PDLIM5: variants seen among roughly 807,000 people sequenced by gnomAD.
PDLIM5 encodes PDZ and LIM domain 5.
A neutral mutation model predicts 64.2 loss-of-function variants in PDLIM5; 34 were observed. The observed-to-expected ratio is 0.53, with a 90% CI of 0.40 to 0.71. PDLIM5 has a LOEUF of 0.71. Ranked by LOEUF, PDLIM5 falls within the 30% of genes least tolerant of loss-of-function variation. The probability of loss-of-function intolerance (pLI) is 0.00; values close to 1 mark genes in which losing one functional copy is unlikely to be tolerated. For synonymous variants in PDLIM5, 253 were observed against 269.1 expected (o/e 0.94, Z 0.59); for missense variants, 683 against 733.6 (o/e 0.93, Z 0.80).
chr4:94,562,581 C>T (rs1733939543), intron 3 of PDLIM5, among the ~76,000 whole-genome samples: 1 of 152,154 alleles, frequency 6.6e-6, no homozygotes, highest in South Asian at 2.1e-4. Flanking sequence ...CACATTGCCA[C>T]AGTTCTCAAG....
intron 2 of PDLIM5, among the ~76,000 whole-genome samples, chr4:94,479,039 A>C (rs1725605505): frequency 1.3e-5 from 2 of 151,288 alleles, no homozygotes; most frequent in African/African-American, 4.9e-5. Flanking sequence ...AGCTGGGACC[A>C]CAGGCATGTG....
intron 11 of PDLIM5, among the ~76,000 whole-genome samples, chr4:94,660,875 C>A (rs61597100): frequency 0.31 from 47,655 of 151,824 alleles, 7,697 homozygotes; most frequent in Non-Finnish European, 0.36. Flanking sequence ...ATTAGGTCAA[C>A]CAGCCTGGGC....
At chr4:94,590,825 T>C (rs1272035258) in intron 7 of PDLIM5, among the ~76,000 whole-genome samples, 1 of 152,220 alleles carries the variant, frequency 6.6e-6, no homozygotes, top group Non-Finnish European at 1.5e-5. Flanking sequence ...TTCCTATCCA[T>C]AGCATTTTAA....
chr4:94,585,722 A>G lies in PDLIM5; in HGVS notation c.868A>G (p.Thr290Ala). The change falls in exon 6 of 13, where the codon ACT (threonine) becomes GCT (alanine). Residue 290 changes from threonine (T) to alanine (A), a missense_variant. Coordinates refer to ENST00000317968, the MANE Select transcript of PDLIM5 (RefSeq NM_006457.5). ...CTCTTTCCGAATCCTTGCCCAGATC[A>G]CTGGGACTGAACATTGTAAGTGAAC... ...SRSFRILAQI[T>A]GTEHLKESEA... The G allele has an allele frequency of 1.2e-6, 2 of 1,613,134 alleles. No individual in the cohort carries two copies. The highest frequency in any genetic ancestry group is 1.7e-6 in the Non-Finnish European group (2 of 1,179,184).
rs1011183387 is a variant in PDLIM5, at chr4:94,666,132, C to G, written c.*2065C>G. 23 of 837,056 alleles carry G rather than the reference C, an allele frequency of 2.7e-5. No homozygotes were observed. The highest frequency in any genetic ancestry group is 2.2e-4 in the Middle Eastern group (1 of 4,470). The allele number at this position is 837,056 out of a possible 1,614,324, so 51.9% of individuals were successfully genotyped here. ...TAGGTCCTTCCTGCCCCATCACTCA[C>G]TTACGACATCACTTCCATTGTGTGC... On this transcript the variant is annotated 3_prime_UTR_variant, in exon 13 of 13. Coordinates refer to ENST00000317968, the MANE Select transcript of PDLIM5 (RefSeq NM_006457.5).
chr4:94,553,057 TCTC>T (rs1161221048), intron 3 of PDLIM5, among the ~76,000 whole-genome samples: 4 of 152,042 alleles, frequency 2.6e-5, no homozygotes, highest in East Asian at 1.9e-4. Context: ...ACCAATGACT[TCTC>T]CTAGTATTTA....
At position 94,457,074 on chromosome 4, in the gene PDLIM5, A is replaced by G. The variant is rs72874752; in HGVS notation, c.96+1690A>G. 5.2e-3 allele frequency: 4,532 copies of G among 868,976 alleles called. 102 individuals are homozygous for G. The African/African-American group carries it at 0.059, about 11-fold the overall frequency. 53.8% of individuals were successfully genotyped at this position (868,976 alleles called of 1,614,324 possible). A position where few individuals can be genotyped will look rare whatever the true frequency, so the allele number is the denominator to read the frequency against. On this transcript the variant is annotated intron_variant, in intron 2 of 12. Transcript: ENST00000317968. ...TAATAATATATGTGTATGTATAAAT[A>G]TATATACACACACATACTCTGCATC...
At chr4:94,478,923 A>G (rs992911435) in intron 2 of PDLIM5, among the ~76,000 whole-genome samples, 3 of 116,332 alleles carry the variant, frequency 2.6e-5, no homozygotes, top group African/African-American at 1.3e-4. Flanking sequence ...TTTTTAAGAC[A>G]GGGTCTTGCT....
intron 2 of PDLIM5, among the ~76,000 whole-genome samples, chr4:94,493,708 A>AGTTTATG (rs1560653267): frequency 6.6e-6 from 1 of 152,156 alleles, no homozygotes; most frequent in African/African-American, 2.4e-5. Flanking sequence ...TGGGGCCAAA[A>AGTTTATG]GTTTATGTAT....
At chr4:94,559,772 T>C (rs747735809) in intron 3 of PDLIM5, among the ~76,000 whole-genome samples, 1 of 152,222 alleles carries the variant, frequency 6.6e-6, no homozygotes, top group Non-Finnish European at 1.5e-5. Context: ...TCTACAATTA[T>C]TGTATTTTAT....
At chr4:94,601,952 G>A (rs1046246626) in intron 7 of PDLIM5, among the ~76,000 whole-genome samples, 1 of 152,082 alleles carries the variant, frequency 6.6e-6, no homozygotes, top group Non-Finnish European at 1.5e-5. Context: ...TTTTTCACAT[G>A]CCTAGCAGTT....
intron 7 of PDLIM5, among the ~76,000 whole-genome samples, chr4:94,607,329 C>T (rs1375865336): frequency 6.6e-6 from 1 of 150,408 alleles, no homozygotes; most frequent in African/African-American, 2.4e-5. Flanking sequence ...AAGTTTTATA[C>T]TTGGTGCTTT....
chr4:94,655,828 C>T (rs1019405503), intron 10 of PDLIM5, among the ~76,000 whole-genome samples: 11 of 152,094 alleles, frequency 7.2e-5, no homozygotes, highest in Non-Finnish European at 1.5e-4. Context: ...AATAGCTTGT[C>T]TAGATTGTAT....
intron 7 of PDLIM5, chr4:94,587,911 G>A (rs2110321767): frequency 1.1e-6 from 1 of 936,732 alleles, no homozygotes; most frequent in Non-Finnish European, 1.3e-6. Flanking sequence ...ATGAATGATT[G>A]TGAGACATCA....
rs34317766 is a variant in PDLIM5, at chr4:94,496,057, C to CAA, written c.97-27657_97-27656dup. ...ATTAAAGAATATGTGACATTTCTAG[C>CAA]AAAAAAAAAAACCAAAAAACAAGGT... On this transcript the variant is annotated intron_variant, in intron 2 of 12. Coordinates refer to ENST00000317968, the MANE Select transcript of PDLIM5 (RefSeq NM_006457.5). 5.7e-3 allele frequency among the ~76,000 whole-genome samples: 815 copies of CAA among 142,728 alleles called. 4 individuals carry two copies. The highest frequency in any genetic ancestry group is 0.019 in the African/African-American group (741 of 39,798). 93.6% of individuals were successfully genotyped at this position (142,728 alleles called of 152,430 possible). A position where few individuals can be genotyped will look rare whatever the true frequency, so the allele number is the denominator to read the frequency against.
At chr4:94,552,218 G>GT (rs1437276199) in intron 3 of PDLIM5, among the ~76,000 whole-genome samples, 3 of 152,046 alleles carry the variant, frequency 2.0e-5, no homozygotes, top group African/African-American at 7.2e-5. Context: ...ATCTTGAGAG[G>GT]TTTAATCTCC....
chr4:94,667,318 C>G lies in PDLIM5; in HGVS notation c.*3251C>G, dbSNP rs371683638. Reference sequence around the variant, plus strand: ...TGCTTGTCCAGTTGGCCCTCCATGTCCATAGGCTTCGCATCTGTGATTCAG... The same window carrying G: ...TGCTTGTCCAGTTGGCCCTCCATGTGCATAGGCTTCGCATCTGTGATTCAG... On this transcript the variant is annotated 3_prime_UTR_variant, in exon 13 of 13. Coordinates refer to ENST00000317968, the MANE Select transcript of PDLIM5 (RefSeq NM_006457.5). The G allele has an allele frequency of 7.9e-5, 12 of 152,314 alleles. No homozygotes were observed. The East Asian group carries it at 2.3e-3, about 29-fold the overall frequency. The allele number at this position is 152,314 out of a possible 1,614,324, so 9.4% of individuals were successfully genotyped here.
chr4:94,547,451 C>T (rs1176338722), intron 3 of PDLIM5, among the ~76,000 whole-genome samples: 1 of 152,124 alleles, frequency 6.6e-6, no homozygotes, highest in Non-Finnish European at 1.5e-5. Context: ...CTTCTTTCTC[C>T]CTCTTCCACA....
At chr4:94,506,512 G>T (rs1214435904) in intron 2 of PDLIM5, among the ~76,000 whole-genome samples, 1 of 152,134 alleles carries the variant, frequency 6.6e-6, no homozygotes, top group African/African-American at 2.4e-5. Flanking sequence ...GGGCAAAGAG[G>T]CTAACAAGCT....
Sources: gnomAD v4.1 joint callset for allele counts (sites outside exome capture counted in the v4.1 genomes callset) on GRCh38, gnomAD v4.1.1 for gene constraint, MANE v1.5 for transcripts, NCBI Gene and HGNC (gene_info 2026-07-23, HGNC 2026-07-21) for gene names.